The following SLF2 variants were observed in gnomAD, a reference collection of about 807,000 sequenced individuals.
The protein encoded by SLF2 is SMC5/6 complex localization factor 2.
In SLF2, 68 loss-of-function variants were observed where a neutral mutation model predicts 124.3. The ratio of observed to expected loss-of-function variants is 0.55; its 90% confidence interval spans 0.45 to 0.67. The LOEUF (loss-of-function observed/expected upper bound fraction) is 0.67, where lower values mean the gene tolerates loss of function less well. SLF2 is among the 30% of genes least tolerant of loss of function. The probability of loss-of-function intolerance (pLI) is 0.00; values close to 1 mark genes in which losing one functional copy is unlikely to be tolerated. For missense variants in SLF2, 1,246 were observed against 1,373.7 expected (o/e 0.91, Z 1.47); for synonymous variants, 480 against 478.8 (o/e 1.00, Z -0.03).
At chr10:100,930,058 T>C in intron 8 of SLF2, 61 bp downstream of exon 8, 1 of 1,088,050 alleles carries the variant, frequency 9.2e-7, no homozygotes, top group Non-Finnish European at 1.3e-6. Context: ...AAAACACTTC[T>C]GACTCACGTA....
intron 10 of SLF2, among the ~76,000 whole-genome samples, chr10:100,937,990 T>C (rs747134235): frequency 4.6e-5 from 7 of 152,184 alleles, no homozygotes; most frequent in Non-Finnish European, 7.4e-5. Flanking sequence ...AGAAAAAGAA[T>C]ATAAGATCTT....
At chr10:100,940,743 T>G in intron 11 of SLF2, among the ~76,000 whole-genome samples, 1 of 98,760 alleles carries the variant, frequency 1.0e-5, no homozygotes, top group African/African-American at 3.9e-5. Context: ...CTTCCCTCCC[T>G]TCCCCATCTT....
Position 100,963,633 on chromosome 10 carries a change from A to G in SLF2, c.*1721A>G, listed in dbSNP as rs546510636. ...TTTGTAGATACATTATTTGTGTGTA[A>G]TTTTATACGTGTTCATATTTTTCTC... On this transcript the variant is annotated 3_prime_UTR_variant, in exon 20 of 20. Coordinates refer to ENST00000238961, the MANE Select transcript of SLF2 (RefSeq NM_018121.4). The G allele has an allele frequency of 6.5e-6, 1 of 152,736 alleles. No homozygotes were observed. Among genetic ancestry groups the G allele is most frequent in the African/African-American group, 2.4e-5 (1 of 41,562 alleles). The allele number at this position is 152,736 out of a possible 1,614,324, so 9.5% of individuals were successfully genotyped here. A position where few individuals can be genotyped will look rare whatever the true frequency, so the allele number is the denominator to read the frequency against.
At chr10:100,918,710 ACCT>A (rs751362180) in intron 4 of SLF2, among the ~76,000 whole-genome samples, 1 of 151,728 alleles carries the variant, frequency 6.6e-6, no homozygotes, top group Non-Finnish European at 1.5e-5. Flanking sequence ...GCAAGCCTTG[ACCT>A]CCTGGCCTCG....
chr10:100,925,828 G>A (rs1481178499), intron 5 of SLF2, 121 bp from the exon 6 acceptor site: 3 of 951,304 alleles, frequency 3.2e-6, no homozygotes, highest in Non-Finnish European at 4.6e-6. Context: ...TTTAAGAAAG[G>A]TGTTATCCTG....
At chr10:100,948,310 A>G (rs546681985) in intron 15 of SLF2, among the ~76,000 whole-genome samples, 2 of 152,274 alleles carry the variant, frequency 1.3e-5, no homozygotes, top group Non-Finnish European at 2.9e-5. Context: ...AGAATATATC[A>G]TGTATATATG....
intron 11 of SLF2, among the ~76,000 whole-genome samples, chr10:100,939,415 C>T (rs911902895): frequency 1.3e-5 from 2 of 150,040 alleles, no homozygotes; most frequent in African/African-American, 2.5e-5. Context: ...TGGTGGCTCA[C>T]GCCTGTAATC....
intron 18 of SLF2, among the ~76,000 whole-genome samples, chr10:100,957,376 G>T (rs1850352826): frequency 2.1e-5 from 2 of 94,762 alleles, no homozygotes; most frequent in African/African-American, 4.8e-5. Context: ...TTGAGATGGA[G>T]TTTCACTCTT....
At chr10:100,941,424 GT>G (rs753775329) in intron 11 of SLF2, among the ~76,000 whole-genome samples, 29 of 152,002 alleles carry the variant, frequency 1.9e-4, no homozygotes, top group Non-Finnish European at 3.8e-4. Flanking sequence ...ACATCCCTAT[GT>G]TCCTTTTCCT....
Position 100,929,751 on chromosome 10 carries a change from T to C in SLF2, c.2166-79T>C, listed in dbSNP as rs1051070661. On this transcript the variant is annotated intron_variant, in intron 7 of 19. Coordinates refer to ENST00000238961, the MANE Select transcript of SLF2 (RefSeq NM_018121.4). Reference sequence around the variant, plus strand: ...ATTAACATTGGCTTAAAAAATGGTTTTCTTTGCACCCAGCTTTTAAATACA... The same window carrying C: ...ATTAACATTGGCTTAAAAAATGGTTCTCTTTGCACCCAGCTTTTAAATACA... 4.3e-6 allele frequency: 5 copies of C among 1,157,774 alleles called. No homozygotes were observed. The African/African-American group carries it at 6.3e-5, about 15-fold the overall frequency. The allele number at this position is 1,157,774 out of a possible 1,614,324, so 71.7% of individuals were successfully genotyped here. A position where few individuals can be genotyped will look rare whatever the true frequency, so the allele number is the denominator to read the frequency against.
In SLF2 at chr10:100,917,039, C is replaced by T; in HGVS notation, c.654C>T (p.Ser218=). 6.2e-7 allele frequency: 1 copy of T among 1,614,178 alleles called. No homozygotes were observed. Among genetic ancestry groups the T allele is most frequent in the Non-Finnish European group, 8.5e-7 (1 of 1,180,038 alleles). ...IFNNSSRSLS[S]RSSLSRHHPE... is the part of the protein sequence containing the mutation. ...ATAACAGCTCCAGAAGCCTTAGCAG[C>T]AGGAGCAGCCTGTCCAGGCACCACC... Residue 218 remains serine, a synonymous_variant, in exon 3 of 20, where the codon AGC becomes AGT. Coordinates refer to ENST00000238961, the MANE Select transcript of SLF2 (RefSeq NM_018121.4).
chr10:100,937,257 C>T (rs188334182), intron 9 of SLF2, 145 bp from the exon 10 acceptor site: 190 of 683,464 alleles, frequency 2.8e-4, no homozygotes, highest in African/African-American at 1.6e-3. Flanking sequence ...GGTATCCGCC[C>T]GCCTTAGCCT....
intron 16 of SLF2, 46 bp from the exon 17 acceptor site, chr10:100,950,630 A>C (rs887194240): frequency 1.3e-6 from 2 of 1,491,812 alleles, no homozygotes; most frequent in African/African-American, 2.8e-5. Context: ...AATGACATCT[A>C]TGCTAGCTAA....
At chr10:100,913,750 C>T in intron 1 of SLF2, 1 of 987,190 alleles carries the variant, frequency 1.0e-6, no homozygotes, top group Non-Finnish European at 1.2e-6. Context: ...TGGAATGTGA[C>T]GTGTTTTCTC....
chr10:100,914,184 G>A (rs529398349), intron 1 of SLF2, among the ~76,000 whole-genome samples: 3 of 152,332 alleles, frequency 2.0e-5, no homozygotes, highest in Non-Finnish European at 4.4e-5. Flanking sequence ...CCCCACTGGG[G>A]ACTTTCCATA....
intron 19 of SLF2, 23 bp downstream of exon 19, chr10:100,959,519 C>T (rs773430502): frequency 1.4e-5 from 22 of 1,611,994 alleles, no homozygotes; most frequent in Non-Finnish European, 9.3e-6. Flanking sequence ...TATACAATTT[C>T]ATGTATTCTT....
intron 17 of SLF2, among the ~76,000 whole-genome samples, chr10:100,953,948 G>A (rs1391846903): frequency 6.6e-6 from 1 of 151,644 alleles, no homozygotes; most frequent in African/African-American, 2.4e-5. Context: ...CACTGTGCCC[G>A]GCCTCCTCTT....
intron 19 of SLF2, among the ~76,000 whole-genome samples, chr10:100,960,145 T>C (rs11190766): frequency 0.34 from 51,763 of 152,190 alleles, 10,482 homozygotes; most frequent in Middle Eastern, 0.54. Context: ...AATTTTCCAC[T>C]GTATGGATAT....
intron 6 of SLF2, 135 bp downstream of exon 6, chr10:100,926,154 T>A: frequency 6.4e-7 from 1 of 1,562,210 alleles, no homozygotes; most frequent in Non-Finnish European, 8.7e-7. Context: ...TGTGTTAGAA[T>A]AAGATATGTT....
Sources: allele counts gnomAD v4.1 joint callset (sites outside exome capture counted in the v4.1 genomes callset), GRCh38; gene constraint gnomAD v4.1.1; transcripts MANE v1.5; gene names NCBI Gene and HGNC (gene_info 2026-07-23, HGNC 2026-07-21).